The following GRID2 variants were observed in gnomAD, a reference collection of about 807,000 sequenced individuals.
GRID2 encodes the protein glutamate receptor ionotropic, delta-2.
GRID2 carries 33 observed loss-of-function variants against 114.8 expected under a neutral mutation model. That is an observed-to-expected ratio of 0.29 (90% CI 0.22 to 0.38). The LOEUF (loss-of-function observed/expected upper bound fraction) is 0.38, where lower values mean the gene tolerates loss of function less well. GRID2 is among the 10% of genes least tolerant of loss of function. The pLI, the probability that GRID2 is intolerant of heterozygous loss-of-function variation, is 1.00. For missense variants in GRID2, 1,184 were observed against 1,257.7 expected, an observed-to-expected ratio of 0.94 and a Z score of 0.89; for synonymous variants, 505 against 449.9, an observed-to-expected ratio of 1.12 and a Z score of -1.55.
intron 9 of GRID2, among the ~76,000 whole-genome samples, chr4:93,419,767 G>C (rs936053723): frequency 1.3e-5 from 2 of 152,046 alleles, no homozygotes; most frequent in African/African-American, 4.8e-5. Context: ...TGTTTGCCTA[G>C]AGATTTACTT....
At chr4:92,465,151 T>C (rs1440633513) in intron 1 of GRID2, among the ~76,000 whole-genome samples, 9 of 152,026 alleles carry the variant, frequency 5.9e-5, no homozygotes, top group Admixed American at 5.9e-4. Context: ...CAGGTATGTG[T>C]TTATAGCAGT....
intron 4 of GRID2, among the ~76,000 whole-genome samples, chr4:93,194,173 C>T (rs1487415222): frequency 6.6e-6 from 1 of 152,052 alleles, no homozygotes; most frequent in African/African-American, 2.4e-5. Context: ...TGTCTATACT[C>T]AAGGCTGATC....
chr4:93,676,987 C>T (rs867968387), intron 14 of GRID2, among the ~76,000 whole-genome samples: 1 of 151,750 alleles, frequency 6.6e-6, no homozygotes, highest in East Asian at 2.0e-4. Flanking sequence ...TTGCCTCACT[C>T]GGGAAGCGCA....
downstream of GRID2, among the ~76,000 whole-genome samples, chr4:93,778,082 A>T (rs1305052182): frequency 5.3e-5 from 8 of 152,214 alleles, no homozygotes; most frequent in Non-Finnish European, 1.0e-4. Flanking sequence ...GGAGACCTTT[A>T]AGAATTAGTT....
intron 9 of GRID2, among the ~76,000 whole-genome samples, chr4:93,421,513 C>G (rs1447653495): frequency 6.6e-6 from 1 of 152,002 alleles, no homozygotes; most frequent in African/African-American, 2.4e-5. Flanking sequence ...AGAAATGTTA[C>G]AAATACCACA....
intron 13 of GRID2, among the ~76,000 whole-genome samples, chr4:93,614,179 G>A (rs1036896623): frequency 6.6e-6 from 1 of 152,172 alleles, no homozygotes; most frequent in African/African-American, 2.4e-5. Flanking sequence ...CTCGCGCACG[G>A]TGCGTGCACC....
At chr4:93,228,585 A>G (rs1196254286) in intron 7 of GRID2, among the ~76,000 whole-genome samples, 2 of 152,164 alleles carry the variant, frequency 1.3e-5, no homozygotes, top group African/African-American at 2.4e-5. Flanking sequence ...TGTATTGAAT[A>G]TATTGGCAGA....
intron 2 of GRID2, among the ~76,000 whole-genome samples, chr4:92,897,488 C>CT (rs111837004): frequency 0.022 from 3,322 of 152,158 alleles, 59 homozygotes; most frequent in East Asian, 0.054. Context: ...ATCTATTTCC[C>CT]TTTTTTGTCA....
chr4:93,396,448 T>C (rs1271906388), intron 9 of GRID2, among the ~76,000 whole-genome samples: 1 of 151,900 alleles, frequency 6.6e-6, no homozygotes, highest in Non-Finnish European at 1.5e-5. Context: ...TTATAGAGTG[T>C]GGATATGCTG....
intron 14 of GRID2, among the ~76,000 whole-genome samples, chr4:93,716,584 A>T (rs1183975243): frequency 2.6e-5 from 4 of 152,006 alleles, no homozygotes; most frequent in Non-Finnish European, 5.9e-5. Flanking sequence ...TTTAAAATGG[A>T]CAGTTATTAC....
rs528232943 is a variant in GRID2 at position 93,595,705 on chromosome 4, C to A, written c.2194-30564C>A. Among the ~76,000 whole-genome samples the A allele has an allele frequency of 1.1e-3, 174 of 152,282 alleles. 1 individual carries two copies. The highest frequency in any genetic ancestry group is 4.0e-3 in the African/African-American group (168 of 41,564). ...CCTAGAAGTTTGCACAACTAACTTT[C>A]CACAATTCTTCCTGGTAATAATATT... On this transcript the variant is annotated intron_variant, in intron 13 of 15. Transcript: ENST00000282020.
intron 1 of GRID2, among the ~76,000 whole-genome samples, chr4:93,799,168 T>G (rs1280938289): frequency 6.6e-6 from 1 of 152,196 alleles, no homozygotes; most frequent in East Asian, 1.9e-4. Flanking sequence ...TGGCTAGAAA[T>G]CGTATTTATA....
intron 2 of GRID2, among the ~76,000 whole-genome samples, chr4:92,789,406 C>G (rs1288729517): frequency 3.3e-5 from 5 of 151,962 alleles, no homozygotes; most frequent in African/African-American, 1.2e-4. Context: ...GACTTTTATT[C>G]TTTCCCTTTG....
chr4:92,774,978 G>A (rs1738720953), intron 2 of GRID2, among the ~76,000 whole-genome samples: 1 of 152,102 alleles, frequency 6.6e-6, no homozygotes, highest in Non-Finnish European at 1.5e-5. Context: ...TTAGAGGTAA[G>A]TGATAACTGA....
At chr4:92,690,630 G>A (rs1480254535) in intron 2 of GRID2, among the ~76,000 whole-genome samples, 1 of 151,940 alleles carries the variant, frequency 6.6e-6, no homozygotes, top group African/African-American at 2.4e-5. Context: ...CAATATCCGT[G>A]GCATGCAATA....
intron 8 of GRID2, among the ~76,000 whole-genome samples, chr4:93,374,798 G>T (rs1763224860): frequency 1.3e-5 from 2 of 152,110 alleles, no homozygotes; most frequent in Non-Finnish European, 2.9e-5. Context: ...AAGGTGTGTG[G>T]TTAGGAGTTA....
chr4:93,694,245 C>T (rs75577796), intron 14 of GRID2, among the ~76,000 whole-genome samples: 6,258 of 152,246 alleles, frequency 0.041, 199 homozygotes, highest in African/African-American at 0.081. Flanking sequence ...TATGGCTCCT[C>T]CCCACTTAAC....
chr4:93,024,473 T>G (rs1723693210), intron 2 of GRID2, among the ~76,000 whole-genome samples: 1 of 151,818 alleles, frequency 6.6e-6, no homozygotes, highest in Admixed American at 6.6e-5. Context: ...TCTTCTGAAG[T>G]TAAGCAAATT....
intron 1 of GRID2, among the ~76,000 whole-genome samples, chr4:92,494,751 T>A (rs1311383272): frequency 6.6e-6 from 1 of 152,060 alleles, no homozygotes; most frequent in Non-Finnish European, 1.5e-5. Context: ...TTTCATTGTA[T>A]CAGTAATATT....
Sources: gnomAD v4.1 joint callset for allele counts (sites outside exome capture counted in the v4.1 genomes callset) on GRCh38, gnomAD v4.1.1 for gene constraint, MANE v1.5 for transcripts, NCBI Gene and HGNC (gene_info 2026-07-23, HGNC 2026-07-21) for gene names.